Variants in SLCO4C1 observed in about 807,000 individuals in gnomAD.
The protein encoded by SLCO4C1 is solute carrier organic anion transporter family member 4C1, also known as organic anion transporter M1.
In SLCO4C1, 58 loss-of-function variants were observed where a neutral mutation model predicts 72.1. The observed-to-expected ratio is 0.80, with a 90% CI of 0.65 to 1.00. The LOEUF (loss-of-function observed/expected upper bound fraction) is 1.00, where lower values mean the gene tolerates loss of function less well. SLCO4C1 is among the 50% of genes least tolerant of loss of function. The probability of loss-of-function intolerance (pLI) is 0.00; values close to 1 mark genes in which losing one functional copy is unlikely to be tolerated. For synonymous variants in SLCO4C1, 297 were observed against 312.5 expected (o/e 0.95, Z 0.52); for missense variants, 898 against 857.9 (o/e 1.05, Z -0.58).
intron 3 of SLCO4C1, among the ~76,000 whole-genome samples, chr5:102,269,178 C>T (rs778272993): frequency 6.6e-6 from 1 of 152,172 alleles, no homozygotes; most frequent in South Asian, 2.1e-4. Flanking sequence ...TTTGGGAATC[C>T]CTGAGCTTCC....
At chr5:102,280,090 C>CAAAAAAAAAAAAAAAA (rs36217271) in intron 2 of SLCO4C1, among the ~76,000 whole-genome samples, 35 of 68,838 alleles carry the variant, frequency 5.1e-4, no homozygotes, top group Non-Finnish European at 6.7e-4. Context: ...TGCAATAAGG[C>CAAAAAAAAAAAAAAAA]AAAAAAAAAA....
Position 102,249,747 on chromosome 5 carries a change from T to G in SLCO4C1, c.1511A>C (p.Asn504Thr). 1 of 1,613,942 alleles carries G rather than the reference T, an allele frequency of 6.2e-7. No homozygotes were observed. The highest frequency in any genetic ancestry group is 8.5e-7 in the Non-Finnish European group (1 of 1,179,920). ...LGNLIAPCNA[N>T]CNCSRSYYYP... Reference sequence around the variant, plus strand: ...ATAATATGATCGCGAACAGTTACAATTGGCATTACAAGGGGCTATCAAGTT... The same window carrying G: ...ATAATATGATCGCGAACAGTTACAAGTGGCATTACAAGGGGCTATCAAGTT... Residue 504 changes from asparagine to threonine, a missense_variant, in exon 9 of 13, where the codon AAT (asparagine) becomes ACT (threonine). By Grantham distance (65) the Asn-to-Thr change is moderately conservative. Transcript: ENST00000310954.
intron 2 of SLCO4C1, among the ~76,000 whole-genome samples, chr5:102,278,463 T>C (rs1749289807): frequency 1.3e-5 from 2 of 152,230 alleles, no homozygotes; most frequent in Non-Finnish European, 1.5e-5. Flanking sequence ...TAAACTAACT[T>C]ATCAACCACA....
chr5:102,268,658 CCT>C (rs1749091052), intron 3 of SLCO4C1, among the ~76,000 whole-genome samples: 1 of 151,990 alleles, frequency 6.6e-6, no homozygotes, highest in African/African-American at 2.4e-5. Flanking sequence ...TTCATTTCTT[CCT>C]CTCTCGTTCA....
intron 11 of SLCO4C1, among the ~76,000 whole-genome samples, chr5:102,239,842 T>G (rs1014629171): frequency 2.0e-5 from 3 of 152,090 alleles, no homozygotes; most frequent in Non-Finnish European, 4.4e-5. Context: ...TATTAGTGTA[T>G]GTATATACAA....
At chr5:102,281,730 T>C (rs1289792064) in intron 2 of SLCO4C1, among the ~76,000 whole-genome samples, 6 of 152,136 alleles carry the variant, frequency 3.9e-5, no homozygotes, top group East Asian at 1.9e-4. Context: ...GAGATTTCAC[T>C]GTACACCTAT....
rs749451242 is a variant in SLCO4C1, at chr5:102,236,931, A to G, written c.2102T>C (p.Phe701Ser). 1 of 1,613,076 alleles carries G rather than the reference A, an allele frequency of 6.2e-7. No individual in the cohort carries two copies. Among genetic ancestry groups the G allele is most frequent in the Non-Finnish European group, 8.5e-7 (1 of 1,179,730 alleles). ...KPPPSATDVSFHKENAVVTNV... is the reference protein window; with the variant it reads ...KPPPSATDVSSHKENAVVTNV... ...AGTCACAACTGCATTCTCTTTATGA[A>G]ATGACACATCTGTGGCTGATGGAGG... is the stretch of plus-strand genomic sequence containing the variant. The change falls in exon 13 of 13, where the codon TTT (phenylalanine) becomes TCT (serine). Residue 701 changes from phenylalanine to serine, a missense_variant. Phe to Ser is a radical substitution (Grantham distance 155, BLOSUM62 -2). Transcript: ENST00000310954.
In SLCO4C1 at chr5:102,291,332, T is replaced by C. The variant is rs145525259; in HGVS notation, c.619+11A>G. The C allele has an allele frequency of 3.1e-6, 5 of 1,608,154 alleles. No homozygotes were observed. Among genetic ancestry groups the C allele is most frequent in the African/African-American group, 1.3e-5 (1 of 74,386 alleles). The stretch of plus-strand genomic sequence containing the variant: ...CAGATTAAAACAAACATAAACACAA[T>C]AGAAACTTACCTTCAAAAAGAGACC... On this transcript the variant is annotated intron_variant, in intron 2 of 12. Transcript: ENST00000310954.
intron 3 of SLCO4C1, among the ~76,000 whole-genome samples, chr5:102,266,637 C>T (rs949217225): frequency 6.6e-6 from 1 of 151,066 alleles, no homozygotes; most frequent in Admixed American, 6.6e-5. Flanking sequence ...GTGACAAGAG[C>T]GAGATTCCAT....
At chr5:102,247,547 T>C (rs1748658146) in intron 9 of SLCO4C1, 105 bp from the exon 10 acceptor site, 1 of 665,038 alleles carries the variant, frequency 1.5e-6, no homozygotes, top group African/African-American at 1.8e-5. Context: ...ACTGTCTTAA[T>C]CCATATTCAA....
Position 102,247,241 on chromosome 5 carries a change from G to A in SLCO4C1, c.1811+11C>T, listed in dbSNP as rs376009873. Reference sequence around the variant, plus strand: ...CCTTAGGGAATGAAAATTTCTCAACGTGCTACATACCTTAGGATAGACACA... The same window carrying A: ...CCTTAGGGAATGAAAATTTCTCAACATGCTACATACCTTAGGATAGACACA... On this transcript the variant is annotated intron_variant, in intron 10 of 12. Transcript: ENST00000310954. 1.1e-5 allele frequency: 16 copies of A among 1,471,042 alleles called. No homozygotes were observed. The highest frequency in any genetic ancestry group is 8.6e-5 in the Admixed American group (4 of 46,314). 91.1% of individuals were successfully genotyped at this position (1,471,042 alleles called of 1,614,324 possible).
At chr5:102,270,573 A>C (rs1208104260) in intron 3 of SLCO4C1, 51 bp downstream of exon 3, 2 of 1,453,396 alleles carry the variant, frequency 1.4e-6, no homozygotes, top group Non-Finnish European at 1.8e-6. Context: ...TTCTAAAGTG[A>C]ACAAATAATA....
At chr5:102,265,602 CA>C (rs1377645742) in intron 3 of SLCO4C1, among the ~76,000 whole-genome samples, 1 of 151,998 alleles carries the variant, frequency 6.6e-6, no homozygotes, top group African/African-American at 2.4e-5. Flanking sequence ...GTATCTTTAG[CA>C]AAAATCAGTT....
intron 8 of SLCO4C1, among the ~76,000 whole-genome samples, chr5:102,256,086 G>A (rs1373348071): frequency 6.6e-6 from 1 of 152,030 alleles, no homozygotes; most frequent in Non-Finnish European, 1.5e-5. Flanking sequence ...TGCGCCTGTA[G>A]TCCCAGCTAC....
chr5:102,260,191 A>T, intron 6 of SLCO4C1, 22 bp downstream of exon 6: 1 of 974,000 alleles, frequency 1.0e-6, no homozygotes, highest in Non-Finnish European at 1.4e-6. Context: ...TGAGAGAGAG[A>T]CAGAGAAGAA....
intron 3 of SLCO4C1, among the ~76,000 whole-genome samples, chr5:102,266,672 G>GAAAAGAA (rs60045053): frequency 0.013 from 1,998 of 151,240 alleles, 44 homozygotes; most frequent in African/African-American, 0.046. Context: ...GAAAAGAAAA[G>GAAAAGAA]AAAAAAAACA....
intron 2 of SLCO4C1, among the ~76,000 whole-genome samples, chr5:102,271,840 CAT>C (rs1351991306): frequency 6.6e-6 from 1 of 151,978 alleles, no homozygotes; most frequent in Non-Finnish European, 1.5e-5. Flanking sequence ...GGTGGATAAA[CAT>C]ATACACACAG....
intron 3 of SLCO4C1, among the ~76,000 whole-genome samples, chr5:102,265,266 G>GAA (rs1749015297): frequency 6.6e-6 from 1 of 152,090 alleles, no homozygotes; most frequent in Non-Finnish European, 1.5e-5. Flanking sequence ...TGTTTTATAG[G>GAA]TTGTCTCTAC....
chr5:102,282,059 A>G (rs1160554343), intron 2 of SLCO4C1, among the ~76,000 whole-genome samples: 2 of 152,124 alleles, frequency 1.3e-5, no homozygotes, highest in Admixed American at 6.5e-5. Flanking sequence ...ACCATGGATT[A>G]CTAATCAGCA....
Sources: gnomAD v4.1 joint callset for allele counts (sites outside exome capture counted in the v4.1 genomes callset) on GRCh38, gnomAD v4.1.1 for gene constraint, MANE v1.5 for transcripts, NCBI Gene and HGNC (gene_info 2026-07-23, HGNC 2026-07-21) for gene names.